The following MECOM variants were observed in gnomAD, a reference collection of about 807,000 sequenced individuals.
The protein encoded by MECOM is MDS1 and EVI1 complex locus.
Under a neutral mutation model 116.3 loss-of-function variants are expected in MECOM, and 13 were observed. That is an observed-to-expected ratio of 0.11 (90% CI 0.07 to 0.18). MECOM has a LOEUF of 0.18. Ranked by LOEUF, MECOM falls within the 10% of genes least tolerant of loss-of-function variation. The pLI, the probability that MECOM is intolerant of heterozygous loss-of-function variation, is 1.00. For synonymous variants in MECOM, 528 were observed against 535.2 expected, an observed-to-expected ratio of 0.99 and a Z score of 0.19; for missense variants, 1,299 against 1,509.0, an observed-to-expected ratio of 0.86 and a Z score of 2.31.
At chr3:169,360,336 A>C (rs1410209085) in intron 2 of MECOM, among the ~76,000 whole-genome samples, 3 of 149,278 alleles carry the variant, frequency 2.0e-5, no homozygotes, top group Non-Finnish European at 4.5e-5. Flanking sequence ...AAAAAAGAAA[A>C]AAAAAAAGAA....
At chr3:169,460,654 T>G (rs1747290512) in intron 1 of MECOM, among the ~76,000 whole-genome samples, 1 of 152,230 alleles carries the variant, frequency 6.6e-6, no homozygotes, top group Admixed American at 6.5e-5. Flanking sequence ...ATGGCAAGAC[T>G]TGGCTTCTTC....
At chr3:169,624,208 C>G (rs909913887) in intron 1 of MECOM, among the ~76,000 whole-genome samples, 1 of 152,192 alleles carries the variant, frequency 6.6e-6, no homozygotes, top group Non-Finnish European at 1.5e-5. Context: ...TAGAATTTCA[C>G]AACTGGGAAA....
intron 2 of MECOM, among the ~76,000 whole-genome samples, chr3:169,176,044 A>T (rs1052368693): frequency 6.6e-6 from 1 of 151,838 alleles, no homozygotes; most frequent in Non-Finnish European, 1.5e-5. Flanking sequence ...TCCCTGGGCC[A>T]CACTGGAAGA....
chr3:169,534,003 C>G (rs1759004311), intron 1 of MECOM, among the ~76,000 whole-genome samples: 1 of 152,166 alleles, frequency 6.6e-6, no homozygotes, highest in Admixed American at 6.5e-5. Flanking sequence ...TTTTTGAAGA[C>G]TAACGTTTAG....
At chr3:169,512,107 G>A (rs1756044831) in intron 1 of MECOM, among the ~76,000 whole-genome samples, 1 of 152,124 alleles carries the variant, frequency 6.6e-6, no homozygotes, top group Admixed American at 6.5e-5. Flanking sequence ...TCTTATCTGG[G>A]TCCAGTTAGT....
chr3:169,314,697 G>A (rs889858534), intron 2 of MECOM, among the ~76,000 whole-genome samples: 6 of 152,014 alleles, frequency 3.9e-5, no homozygotes, highest in Non-Finnish European at 8.8e-5. Context: ...GGGAACTAGG[G>A]AAGAGTAAAT....
intron 1 of MECOM, among the ~76,000 whole-genome samples, chr3:169,625,577 C>T (rs1459170802): frequency 2.6e-5 from 4 of 152,104 alleles, no homozygotes; most frequent in Non-Finnish European, 5.9e-5. Flanking sequence ...GAAATAGAAA[C>T]ATAAATAATA....
At chr3:169,375,143 T>C (rs1730797099) in intron 2 of MECOM, among the ~76,000 whole-genome samples, 1 of 151,566 alleles carries the variant, frequency 6.6e-6, no homozygotes, top group Non-Finnish European at 1.5e-5. Context: ...GTTTCCCAGG[T>C]AGAAAGAACA....
chr3:169,428,774 A>G (rs1457783004), intron 1 of MECOM, among the ~76,000 whole-genome samples: 1 of 152,222 alleles, frequency 6.6e-6, no homozygotes, highest in African/African-American at 2.4e-5. Context: ...CCAACAAACT[A>G]AAAGAATGAG....
intron 1 of MECOM, among the ~76,000 whole-genome samples, chr3:169,414,670 C>A (rs937555906): frequency 8.5e-5 from 13 of 152,086 alleles, no homozygotes; most frequent in African/African-American, 2.4e-4. Context: ...ACTAGTATAA[C>A]CAGTTTAGAA....
At chr3:169,461,079 C>G (rs1331868963) in intron 1 of MECOM, among the ~76,000 whole-genome samples, 1 of 151,918 alleles carries the variant, frequency 6.6e-6, no homozygotes. Context: ...TTTTCTAAAA[C>G]AGACAAGCAG....
chr3:169,505,814 T>A (rs1238437356), intron 1 of MECOM, among the ~76,000 whole-genome samples: 1 of 152,160 alleles, frequency 6.6e-6, no homozygotes, highest in Non-Finnish European at 1.5e-5. Context: ...TTCCTCCTCA[T>A]CAAAACCCTC....
At chr3:169,653,285 A>G (rs935823039) in intron 1 of MECOM, among the ~76,000 whole-genome samples, 1 of 152,252 alleles carries the variant, frequency 6.6e-6, no homozygotes, top group African/African-American at 2.4e-5. Context: ...TCATATTGAT[A>G]TCTGCCATAT....
At chr3:169,325,677 T>A (rs1193166551) in intron 2 of MECOM, among the ~76,000 whole-genome samples, 1 of 152,218 alleles carries the variant, frequency 6.6e-6, no homozygotes, top group Non-Finnish European at 1.5e-5. Context: ...GAATGGCCTT[T>A]ATTTCCTTTC....
chr3:169,490,835 G>A (rs1752995608), intron 1 of MECOM, among the ~76,000 whole-genome samples: 2 of 152,114 alleles, frequency 1.3e-5, no homozygotes, highest in Admixed American at 1.3e-4. Context: ...TAATATTTGA[G>A]TATATAGGTA....
chr3:169,418,949 G>A (rs1253779972), intron 1 of MECOM, among the ~76,000 whole-genome samples: 1 of 152,172 alleles, frequency 6.6e-6, no homozygotes, highest in Non-Finnish European at 1.5e-5. Flanking sequence ...AAGAGAGGAA[G>A]TCAAATGGTC....
chr3:169,241,971 G>A (rs1264890586), intron 2 of MECOM, among the ~76,000 whole-genome samples: 2 of 152,260 alleles, frequency 1.3e-5, no homozygotes, highest in East Asian at 3.9e-4. Context: ...TATTAGTGCT[G>A]AGAGTAGATA....
chr3:169,654,851 T>G (rs1775350589), intron 1 of MECOM, among the ~76,000 whole-genome samples: 1 of 146,482 alleles, frequency 6.8e-6, no homozygotes, highest in Non-Finnish European at 1.5e-5. Flanking sequence ...CATATTAACT[T>G]GAGGTGGGGA....
At chr3:169,448,132 C>T (rs1257807128) in intron 1 of MECOM, among the ~76,000 whole-genome samples, 3 of 152,140 alleles carry the variant, frequency 2.0e-5, no homozygotes, top group African/African-American at 7.2e-5. Context: ...TAGGTCATCA[C>T]TGGAACCTGA....
Sources: allele counts gnomAD v4.1 joint callset (sites outside exome capture counted in the v4.1 genomes callset), GRCh38; gene constraint gnomAD v4.1.1; transcripts MANE v1.5; gene names NCBI Gene and HGNC (gene_info 2026-07-23, HGNC 2026-07-21).